Variants in PLEKHG1 observed in about 807,000 individuals in gnomAD.
The protein encoded by PLEKHG1 is pleckstrin homology domain-containing family G member 1.
In PLEKHG1, 44 loss-of-function variants were observed where a neutral mutation model predicts 100.8. The ratio of observed to expected loss-of-function variants is 0.44; its 90% CI spans 0.34 to 0.56. PLEKHG1 has a LOEUF of 0.56. Ranked by LOEUF, PLEKHG1 falls within the 20% of genes least tolerant of loss-of-function variation. PLEKHG1 has a pLI of 0.01. For missense variants in PLEKHG1, 1,545 were observed against 1,720.9 expected, an observed-to-expected ratio of 0.90 and a Z score of 1.81; for synonymous variants, 640 against 662.5, an observed-to-expected ratio of 0.97 and a Z score of 0.52.
At chr6:150,723,016 T>A (rs971288691) in intron 1 of PLEKHG1, among the ~76,000 whole-genome samples, 7 of 152,204 alleles carry the variant, frequency 4.6e-5, no homozygotes, top group African/African-American at 1.7e-4. Flanking sequence ...TTTTTCATCA[T>A]CCAAGACCTG....
chr6:150,649,675 G>A (rs538854257), intron 2 of PLEKHG1, among the ~76,000 whole-genome samples: 27 of 151,978 alleles, frequency 1.8e-4, no homozygotes, highest in Non-Finnish European at 5.9e-5. Context: ...TCAGGAGTTC[G>A]AGACCAGCCT....
At chr6:150,720,676 A>C (rs1249061264), upstream of PLEKHG1, among the ~76,000 whole-genome samples, 4 of 152,076 alleles carry the variant, frequency 2.6e-5, no homozygotes, top group Non-Finnish European at 5.9e-5. Flanking sequence ...TTACTTTGAA[A>C]GTGAAAAGAT....
At chr6:150,681,576 AT>A (rs1779934770) in intron 3 of PLEKHG1, among the ~76,000 whole-genome samples, 1 of 152,042 alleles carries the variant, frequency 6.6e-6, no homozygotes, top group East Asian at 1.9e-4. Context: ...GAGTTGTAGA[AT>A]TTCCTCCATG....
chr6:150,749,075 C>T (rs1783344752), intron 2 of PLEKHG1, among the ~76,000 whole-genome samples: 1 of 152,194 alleles, frequency 6.6e-6, no homozygotes, highest in Non-Finnish European at 1.5e-5. Context: ...AAACACTCAA[C>T]AGCTGATAGC....
chr6:150,685,313 C>T (rs564031179), intron 3 of PLEKHG1, among the ~76,000 whole-genome samples: 1 of 152,248 alleles, frequency 6.6e-6, no homozygotes, highest in Non-Finnish European at 1.5e-5. Flanking sequence ...TTTTGAAGGC[C>T]TCTTTGCCCT....
At chr6:150,754,467 C>G (rs908646749) in intron 2 of PLEKHG1, among the ~76,000 whole-genome samples, 2 of 152,010 alleles carry the variant, frequency 1.3e-5, no homozygotes, top group Non-Finnish European at 2.9e-5. Context: ...GAATCAGACC[C>G]ACAGTAGAGA....
exon 8 of PLEKHG1, chr6:150,809,250 A>G: frequency 6.2e-7 from 1 of 1,614,210 alleles, no homozygotes; most frequent in Non-Finnish European, 8.5e-7. Flanking sequence ...ATCACGAAGA[A>G]GAGAGATGAC....
intron 2 of PLEKHG1, among the ~76,000 whole-genome samples, chr6:150,761,247 A>C (rs1367390557): frequency 6.6e-6 from 1 of 151,788 alleles, no homozygotes; most frequent in East Asian, 1.9e-4. Context: ...CTGGGACTAC[A>C]GGGATGCGCC....
intron 2 of PLEKHG1, chr6:150,638,220 A>G (rs1376418353): frequency 6.6e-6 from 1 of 152,284 alleles, no homozygotes; most frequent in Non-Finnish European, 1.5e-5. Flanking sequence ...TTTAGATAGA[A>G]TGTATTTCTG....
At chr6:150,775,379 A>G (rs368854242) in intron 3 of PLEKHG1, among the ~76,000 whole-genome samples, 12 of 152,214 alleles carry the variant, frequency 7.9e-5, no homozygotes, top group African/African-American at 2.7e-4. Flanking sequence ...TAGACATTCA[A>G]TTGTTTCTTA....
At chr6:150,732,414 G>A (rs1181550490) in intron 1 of PLEKHG1, among the ~76,000 whole-genome samples, 1 of 152,194 alleles carries the variant, frequency 6.6e-6, no homozygotes, top group Non-Finnish European at 1.5e-5. Context: ...GCTGTGTTGA[G>A]AGGATAAGTT....
intron 1 of PLEKHG1, among the ~76,000 whole-genome samples, chr6:150,630,252 A>G (rs1274408263): frequency 6.6e-6 from 1 of 152,222 alleles, no homozygotes; most frequent in Non-Finnish European, 1.5e-5. Flanking sequence ...GTGATATTGT[A>G]TATGAGCAGA....
chr6:150,632,983 T>C (rs1777824453), intron 1 of PLEKHG1: 1 of 152,252 alleles, frequency 6.6e-6, no homozygotes, highest in Admixed American at 6.5e-5. Context: ...CTTTTAAAAC[T>C]GTTCTGTGAA....
At chr6:150,701,417 TTATATATATATA>T (rs56982419) in intron 3 of PLEKHG1, among the ~76,000 whole-genome samples, 1,017 of 31,104 alleles carry the variant, frequency 0.033, 19 homozygotes, top group Middle Eastern at 0.095. Context: ...CAGTAATTCT[TTATATATATATA>T]TATATATATA....
intron 1 of PLEKHG1, among the ~76,000 whole-genome samples, chr6:150,630,279 T>G (rs1399011567): frequency 6.6e-6 from 1 of 152,200 alleles, no homozygotes; most frequent in Non-Finnish European, 1.5e-5. Flanking sequence ...TTAGCTTCTT[T>G]GCGGAGAATC....
chr6:150,666,039 G>C (rs1779384366), intron 3 of PLEKHG1, among the ~76,000 whole-genome samples: 1 of 152,158 alleles, frequency 6.6e-6, no homozygotes, highest in Non-Finnish European at 1.5e-5. Flanking sequence ...TTCCACGTTG[G>C]AAATGCTCTC....
chr6:150,738,132 G>A (rs563263646), intron 2 of PLEKHG1, among the ~76,000 whole-genome samples: 8 of 152,142 alleles, frequency 5.3e-5, no homozygotes, highest in South Asian at 4.2e-4. Context: ...CTCTTTCCAA[G>A]CAAAAATAAT....
intron 2 of PLEKHG1, among the ~76,000 whole-genome samples, chr6:150,764,531 G>A (rs886274555): frequency 1.3e-5 from 2 of 152,174 alleles, no homozygotes; most frequent in African/African-American, 2.4e-5. Context: ...CCCCCATTTA[G>A]CCTCATCTAG....
chr6:150,764,217 A>G (rs1342887242), intron 2 of PLEKHG1, among the ~76,000 whole-genome samples: 1 of 151,002 alleles, frequency 6.6e-6, no homozygotes, highest in Non-Finnish European at 1.5e-5. Flanking sequence ...TCCCGGGTTC[A>G]AGCGATTCTC....
Sources: allele counts gnomAD v4.1 joint callset (sites outside exome capture counted in the v4.1 genomes callset), GRCh38; gene constraint gnomAD v4.1.1; transcripts MANE v1.5; gene names NCBI Gene and HGNC (gene_info 2026-07-23, HGNC 2026-07-21).